The following FBXO40 variants were observed in gnomAD, a reference collection of about 807,000 sequenced individuals.
The protein encoded by FBXO40 is F-box only protein 40.
Under a neutral mutation model 49.9 loss-of-function variants are expected in FBXO40, and 50 were observed. That is an observed-to-expected ratio of 1.00 (90% confidence interval 0.80 to 1.27). The LOEUF is 1.27. Ranked by LOEUF, FBXO40 falls within the 50% of genes most tolerant of loss-of-function variation. The pLI, the probability that FBXO40 is intolerant of heterozygous loss-of-function variation, is 0.00. For missense variants in FBXO40, 895 were observed against 870.1 expected (o/e 1.03, Z -0.36); for synonymous variants, 340 against 320.2 (o/e 1.06, Z -0.66).
In FBXO40 at chr3:121,621,432, G is replaced by C. The variant is rs2049028763; in HGVS notation, c.4-1G>C. ...CTTCCCCCTGTCCTTGGTGTGTCCAGGGGAAAGCCCGCAGATCCCCGCCAG... is the reference window on the plus strand; with the variant it reads ...CTTCCCCCTGTCCTTGGTGTGTCCACGGGAAAGCCCGCAGATCCCCGCCAG... On this transcript the variant is annotated splice_acceptor_variant, in intron 2 of 3. Coordinates refer to ENST00000338040, the MANE Select transcript of FBXO40 (RefSeq NM_016298.4). LOFTEE classifies it high-confidence loss of function. 2 of 1,610,966 alleles carry C rather than the reference G, an allele frequency of 1.2e-6. No individual in the cohort carries two copies. Among genetic ancestry groups the C allele is most frequent in the East Asian group, 4.5e-5 (2 of 44,866 alleles).
At chr3:121,626,193 A>G (rs1429633528) in intron 3 of FBXO40, among the ~76,000 whole-genome samples, 1 of 152,042 alleles carries the variant, frequency 6.6e-6, no homozygotes, top group Non-Finnish European at 1.5e-5. Context: ...TCTTCTTTCT[A>G]TTTTTTACCT....
chr3:121,611,538 T>C (rs895024430), intron 1 of FBXO40, among the ~76,000 whole-genome samples: 6 of 152,208 alleles, frequency 3.9e-5, no homozygotes, highest in Admixed American at 6.5e-5. Flanking sequence ...GTGGTTTTTC[T>C]CTGATCTCAG....
Position 121,623,135 on chromosome 3 carries a change from G to T in FBXO40, c.1706G>T (p.Ser569Ile). 6 of 1,614,222 alleles carry T rather than the reference G, an allele frequency of 3.7e-6. No individual in the cohort carries two copies. The highest frequency in any genetic ancestry group is 5.1e-6 in the Non-Finnish European group (6 of 1,180,048). ...CATCTTTTGGGTCATGGAGGAAAAA[G>T]CCAGAATTCTTTAACCAGCCTGCCC... ...NNHLLGHGGK[S>I]QNSLTSLPLE... is the part of the protein sequence containing the mutation. Residue 569 changes from serine (S) to isoleucine (I), a missense_variant, in exon 3 of 4, where the codon AGC becomes ATC. By Grantham distance (142) the Ser-to-Ile change is moderately radical. Coordinates refer to ENST00000338040, the MANE Select transcript of FBXO40 (RefSeq NM_016298.4).
intron 1 of FBXO40, among the ~76,000 whole-genome samples, chr3:121,618,966 A>C (rs2049014714): frequency 6.6e-6 from 1 of 151,196 alleles, no homozygotes; most frequent in Non-Finnish European, 1.5e-5. Context: ...ATGAATTGGC[A>C]AATTCTAAAG....
intron 1 of FBXO40, among the ~76,000 whole-genome samples, chr3:121,602,904 T>G (rs1346081224): frequency 2.6e-5 from 4 of 152,202 alleles, no homozygotes; most frequent in Non-Finnish European, 5.9e-5. Flanking sequence ...GATCCTATTC[T>G]GCTCCATCAC....
At chr3:121,620,375 G>C (rs1442076373) in intron 1 of FBXO40, among the ~76,000 whole-genome samples, 171 bp from the exon 2 acceptor site, 1 of 152,194 alleles carries the variant, frequency 6.6e-6, no homozygotes, top group Non-Finnish European at 1.5e-5. Context: ...CCTTGGACAA[G>C]TTACTTACCT....
rs182209338 is a variant in FBXO40 at position 121,617,618 on chromosome 3, A to T, written c.-30-2928A>T. 3.6e-3 allele frequency among the ~76,000 whole-genome samples: 548 copies of T among 152,074 alleles called. 4 individuals carry two copies. Among genetic ancestry groups the T allele is most frequent in the African/African-American group, 0.013 (521 of 41,514 alleles). The stretch of plus-strand genomic sequence containing the variant: ...ACAAAAAACAACAACAAAATTTTTT[A>T]AAAAATAAAGTTAGAAGAAATAAGT... On this transcript the variant is annotated intron_variant, in intron 1 of 3. Transcript: ENST00000338040.
chr3:121,603,728 AT>A (rs1416169153), intron 1 of FBXO40, among the ~76,000 whole-genome samples: 1 of 151,176 alleles, frequency 6.6e-6, no homozygotes, highest in Non-Finnish European at 1.5e-5. Context: ...TTTTATTTTT[AT>A]TTTTTTTGAG....
Position 121,622,647 on chromosome 3 carries a change from A to G in FBXO40, c.1218A>G (p.Arg406=). ...CCACCCTCCAGTGTGCTTTGGAAAG[A>G]GAACTCAAAGGCCACGTCATCTCTG... The part of the protein sequence containing the change: ...IKTTLQCALE[R]ELKGHVISES... Residue 406 remains arginine (R), a synonymous_variant, in exon 3 of 4, where the codon AGA becomes AGG. Transcript: ENST00000338040. The G allele has an allele frequency of 6.2e-7, 1 of 1,614,196 alleles. No individual in the cohort carries two copies. The highest frequency in any genetic ancestry group is 8.5e-7 in the Non-Finnish European group (1 of 1,180,024).
chr3:121,619,967 G>T (rs918277665), intron 1 of FBXO40, among the ~76,000 whole-genome samples: 2 of 152,196 alleles, frequency 1.3e-5, no homozygotes, highest in Non-Finnish European at 2.9e-5. Context: ...TCTTTCACTT[G>T]CCAGAGTCTC....
intron 1 of FBXO40, among the ~76,000 whole-genome samples, chr3:121,594,336 G>A (rs2048858571): frequency 6.6e-6 from 1 of 151,812 alleles, no homozygotes; most frequent in Non-Finnish European, 1.5e-5. Context: ...GAGTAGCTGG[G>A]ACTACAGGCC....
intron 1 of FBXO40, among the ~76,000 whole-genome samples, chr3:121,617,391 C>T (rs1315996331): frequency 2.6e-5 from 4 of 151,112 alleles, no homozygotes; most frequent in East Asian, 4.0e-4. Context: ...GTTAAGAGAT[C>T]GAGACCATCC....
intron 1 of FBXO40, among the ~76,000 whole-genome samples, chr3:121,618,625 A>T (rs1442415459): frequency 6.7e-6 from 1 of 149,734 alleles, no homozygotes; most frequent in Admixed American, 6.7e-5. Context: ...TGAACTCCTG[A>T]TGTCAGGTGA....
rs11388990 is a variant in FBXO40, at chr3:121,597,659, CTT to C, written c.-31+4176_-31+4177del. ...AACCCTATTGGTTATTATAGGCCCC[CTT>C]TTTTTTTTTTTTTTTTTTGAGACAG... On this transcript the variant is annotated intron_variant, in intron 1 of 3. Coordinates refer to ENST00000338040, the MANE Select transcript of FBXO40 (RefSeq NM_016298.4). Among the ~76,000 whole-genome samples, 707 of 124,472 alleles carry C rather than the reference CTT, an allele frequency of 5.7e-3. 9 individuals carry two copies. The highest frequency in any genetic ancestry group is 0.017 in the African/African-American group (567 of 32,410). 81.7% of individuals were successfully genotyped at this position (124,472 alleles called of 152,430 possible).
intron 1 of FBXO40, among the ~76,000 whole-genome samples, chr3:121,594,434 C>A (rs1205406860): frequency 6.6e-6 from 1 of 152,206 alleles, no homozygotes; most frequent in Non-Finnish European, 1.5e-5. Flanking sequence ...CTCCTGGCCT[C>A]AAGTGATCCA....
chr3:121,621,885 G>C lies in FBXO40; in HGVS notation c.456G>C (p.Glu152Asp), dbSNP rs566081092. Residue 152 changes from glutamate (E) to aspartate (D), a missense_variant, in exon 3 of 4, where the codon GAG (glutamate) becomes GAC (aspartate). By Grantham distance (45) the Glu-to-Asp change is conservative. Transcript: ENST00000338040. Reference sequence around the variant, plus strand: ...TGGAACTTTTCCCAGAAACTAGAGAGGCTACTGAGGAGGAACCAACTATGA... The same window carrying C: ...TGGAACTTTTCCCAGAAACTAGAGACGCTACTGAGGAGGAACCAACTATGA... Reference protein sequence around the residue: ...KMVELFPETREATEEEPTMNG... With the variant: ...KMVELFPETRDATEEEPTMNG... The C allele has an allele frequency of 6.2e-7, 1 of 1,614,200 alleles. No homozygotes were observed. The highest frequency in any genetic ancestry group is 8.5e-7 in the Non-Finnish European group (1 of 1,180,042).
intron 1 of FBXO40, among the ~76,000 whole-genome samples, chr3:121,616,956 A>C (rs552105097): frequency 6.6e-6 from 1 of 152,344 alleles, no homozygotes; most frequent in East Asian, 1.9e-4. Context: ...GAGAACTAAA[A>C]AAGTTGATCA....
chr3:121,597,792 T>A (rs775726564), intron 1 of FBXO40, among the ~76,000 whole-genome samples: 79 of 151,524 alleles, frequency 5.2e-4, no homozygotes, highest in Middle Eastern at 3.4e-3. Context: ...CTCCCGAGCG[T>A]CTGGGATTAC....
chr3:121,598,659 C>T (rs1417662208), intron 1 of FBXO40, among the ~76,000 whole-genome samples: 3 of 152,132 alleles, frequency 2.0e-5, no homozygotes, highest in Non-Finnish European at 1.5e-5. Flanking sequence ...AAGGATGATG[C>T]CTGGCATTGG....
Sources: gnomAD v4.1 joint callset for allele counts (sites outside exome capture counted in the v4.1 genomes callset) on GRCh38, gnomAD v4.1.1 for gene constraint, MANE v1.5 for transcripts, NCBI Gene and HGNC (gene_info 2026-07-23, HGNC 2026-07-21) for gene names.